The following ZNF717 variants were observed in gnomAD, a reference collection of about 807,000 sequenced individuals.
ZNF717 encodes the protein krueppel-like factor X17.
A neutral mutation model predicts 13.8 loss-of-function variants in ZNF717; 9 were observed. The ratio of observed to expected loss-of-function variants is 0.65; its 90% CI spans 0.39 to 1.14. The LOEUF is 1.14. Ranked by LOEUF, ZNF717 falls within the 50% of genes most tolerant of loss-of-function variation. ZNF717 has a pLI of 0.01. For missense variants in ZNF717, 1,040 were observed against 1,080.7 expected (o/e 0.96, Z 0.53); for synonymous variants, 327 against 364.1 (o/e 0.90, Z 1.16).
At chr3:75,745,967 G>A (rs1575805481) in intron 2 of ZNF717, among the ~76,000 whole-genome samples, 1 of 152,004 alleles carries the variant, frequency 6.6e-6, no homozygotes. Context: ...TTGGTGTGCT[G>A]CACCCAGTAA....
chr3:75,728,964 T>G (rs2918493), downstream of ZNF717, among the ~76,000 whole-genome samples: 16,422 of 28,788 alleles, frequency 0.57, 4,151 homozygotes, highest in Middle Eastern at 0.72. Context: ...CATGCCTTTC[T>G]CTCAGTGAAT....
At chr3:75,708,117 C>T (rs1392145009), downstream of ZNF717, among the ~76,000 whole-genome samples, 3 of 152,240 alleles carry the variant, frequency 2.0e-5, no homozygotes, top group Non-Finnish European at 2.9e-5. Flanking sequence ...TCTCCCAGCA[C>T]GCAGCTGGAG....
At chr3:75,718,154 C>T (rs2918473) in intron 4 of ZNF717, among the ~76,000 whole-genome samples, 59,863 of 149,786 alleles carry the variant, frequency 0.4, 11,403 homozygotes, top group South Asian at 0.58. Flanking sequence ...AGCCAGGGGA[C>T]AACGGAACTG....
chr3:75,762,738 T>A (rs1943139636), intron 2 of ZNF717, among the ~76,000 whole-genome samples: 2 of 152,026 alleles, frequency 1.3e-5, no homozygotes, highest in African/African-American at 4.8e-5. Context: ...CCAGGGCCCA[T>A]GAATAGGCAA....
chr3:75,726,753 C>CA (rs1938289135), downstream of ZNF717, among the ~76,000 whole-genome samples: 2 of 152,246 alleles, frequency 1.3e-5, no homozygotes, highest in South Asian at 4.1e-4. Context: ...ATTTTAGTAA[C>CA]AAAAATGTAT....
At chr3:75,742,484 G>C (rs2107216424) in intron 2 of ZNF717, among the ~76,000 whole-genome samples, 1 of 152,120 alleles carries the variant, frequency 6.6e-6, no homozygotes, top group Non-Finnish European at 1.5e-5. Flanking sequence ...AATAAGTTTT[G>C]TTTATTTTGC....
chr3:75,725,175 AAT>A (rs1938254135), downstream of ZNF717, among the ~76,000 whole-genome samples: 1 of 152,186 alleles, frequency 6.6e-6, no homozygotes, highest in Non-Finnish European at 1.5e-5. Flanking sequence ...TCTCATCTGA[AAT>A]ATTTCCATTT....
At chr3:75,711,471 G>C (rs1202586431) in intron 5 of ZNF717, among the ~76,000 whole-genome samples, 1 of 152,024 alleles carries the variant, frequency 6.6e-6, no homozygotes, top group Non-Finnish European at 1.5e-5. Context: ...TTGAGCTCTG[G>C]AGATTTTTAT....
downstream of ZNF717, chr3:75,732,002 G>C (rs1938601320): frequency 1.4e-6 from 1 of 698,976 alleles, no homozygotes. Context: ...GACAACTCAA[G>C]GAGGTAAAAA....
At chr3:75,728,750 G>C (rs1347765035), downstream of ZNF717, among the ~76,000 whole-genome samples, 1 of 152,352 alleles carries the variant, frequency 6.6e-6, no homozygotes, top group African/African-American at 2.4e-5. Flanking sequence ...AGAGCTGTGA[G>C]TCAATTAAAC....
chr3:75,705,460 G>A (rs1367882644), downstream of ZNF717, among the ~76,000 whole-genome samples: 3 of 152,306 alleles, frequency 2.0e-5, no homozygotes, highest in Admixed American at 1.3e-4. Flanking sequence ...TTAATATCAG[G>A]CTTTTCTTGG....
intron 4 of ZNF717, among the ~76,000 whole-genome samples, chr3:75,724,863 G>A (rs1399022681): frequency 1.3e-5 from 2 of 152,262 alleles, no homozygotes; most frequent in African/African-American, 2.4e-5. Flanking sequence ...TTTTCATGGA[G>A]CACTCTGAGA....
intron 4 of ZNF717, among the ~76,000 whole-genome samples, chr3:75,721,143 C>T (rs1399407528): frequency 6.6e-6 from 1 of 152,102 alleles, no homozygotes; most frequent in Non-Finnish European, 1.5e-5. Context: ...GGAAAAACTA[C>T]TTGAAAATAA....
intron 6 of ZNF717, among the ~76,000 whole-genome samples, chr3:75,703,085 A>T (rs1167526807): frequency 1.3e-5 from 2 of 152,312 alleles, no homozygotes; most frequent in African/African-American, 4.8e-5. Flanking sequence ...ACTAAGAGGT[A>T]CAGCCTTATT....
downstream of ZNF717, among the ~76,000 whole-genome samples, chr3:75,707,728 G>A (rs796663290): frequency 8.5e-5 from 13 of 152,256 alleles, no homozygotes; most frequent in East Asian, 3.9e-4. Flanking sequence ...GATGGCACCC[G>A]GAAAATCGGG....
chr3:75,714,089 A>G (rs1938000768), intron 5 of ZNF717, among the ~76,000 whole-genome samples: 1 of 152,180 alleles, frequency 6.6e-6, no homozygotes, highest in Non-Finnish European at 1.5e-5. Context: ...ATGGAACATG[A>G]AAGCGGACTA....
chr3:75,734,815 A>ATTTTTTTTTTTTT, downstream of ZNF717, among the ~76,000 whole-genome samples: 1 of 43,256 alleles, frequency 2.3e-5, no homozygotes, highest in Non-Finnish European at 4.7e-5. Context: ...ATATATATAT[A>ATTTTTTTTTTTTT]TATTTTTTTT....
At chr3:75,754,284 C>T (rs1942268790) in intron 2 of ZNF717, among the ~76,000 whole-genome samples, 1 of 151,968 alleles carries the variant, frequency 6.6e-6, no homozygotes. Flanking sequence ...ATATTAACAG[C>T]AGTCACTTTT....
chr3:75,776,941 C>A (rs112112703), intron 2 of ZNF717, among the ~76,000 whole-genome samples: 1 of 152,220 alleles, frequency 6.6e-6, no homozygotes. Context: ...CTTTATCTAA[C>A]TCATTCTTTA....
Sources: allele counts gnomAD v4.1 joint callset (sites outside exome capture counted in the v4.1 genomes callset), GRCh38; gene constraint gnomAD v4.1.1; transcripts MANE v1.5; gene names NCBI Gene and HGNC (gene_info 2026-07-23, HGNC 2026-07-21).